GPAM: variants seen among roughly 807,000 people sequenced by gnomAD.
GPAM encodes the protein glycerol-3-phosphate acyltransferase 1, mitochondrial.
Under a neutral mutation model 105.0 loss-of-function variants are expected in GPAM, and 56 were observed. The observed-to-expected ratio is 0.53, with a 90% CI of 0.43 to 0.67. The LOEUF (loss-of-function observed/expected upper bound fraction) is 0.67, where lower values mean the gene tolerates loss of function less well. Ranked by LOEUF, GPAM falls within the 30% of genes least tolerant of loss-of-function variation. GPAM has a pLI of 0.00. For synonymous variants in GPAM, 368 were observed against 354.4 expected (o/e 1.04, Z -0.43); for missense variants, 855 against 989.8 (o/e 0.86, Z 1.83).
the GPAM span, among the ~76,000 whole-genome samples, chr10:112,225,804 G>C: frequency 1.3e-5 from 2 of 152,114 alleles, no homozygotes; most frequent in African/African-American, 4.8e-5. Flanking sequence ...CCCTCCACTA[G>C]GGTGTCAGCT....
Position 112,168,605 on chromosome 10 carries a change from G to A in GPAM, c.895-81C>T, listed in dbSNP as rs910540233. 2.3e-5 allele frequency: 23 copies of A among 994,724 alleles called. No homozygotes were observed. The Admixed American group carries it at 3.7e-4, about 16-fold the overall frequency. 61.6% of individuals were successfully genotyped at this position (994,724 alleles called of 1,614,324 possible). On this transcript the variant is annotated intron_variant, in intron 10 of 21. Coordinates refer to ENST00000348367, the MANE Select transcript of GPAM (RefSeq NM_001244949.2). Reference sequence around the variant, plus strand: ...GCTCAGAAAAATTAAATCTTTAAAAGCAAAACAGAAAAAACGATAACTTCA... The same window carrying A: ...GCTCAGAAAAATTAAATCTTTAAAAACAAAACAGAAAAAACGATAACTTCA...
At chr10:112,189,443 A>G (rs1234401597) in intron 1 of GPAM, among the ~76,000 whole-genome samples, 1 of 152,164 alleles carries the variant, frequency 6.6e-6, no homozygotes, top group African/African-American at 2.4e-5. Context: ...CATCAAGTTC[A>G]TTGACTTGTG....
chr10:112,167,223 C>T (rs189024575), intron 11 of GPAM, among the ~76,000 whole-genome samples: 3 of 152,148 alleles, frequency 2.0e-5, no homozygotes, highest in East Asian at 1.9e-4. Context: ...TGTCTGGAGC[C>T]GTAAGCTTGA....
chr10:112,192,621 G>A (rs1847675116), intron 1 of GPAM, among the ~76,000 whole-genome samples: 1 of 152,218 alleles, frequency 6.6e-6, no homozygotes, highest in African/African-American at 2.4e-5. Context: ...CAGAGAGTGA[G>A]AACTGAACCA....
Position 112,150,742 on chromosome 10 carries a change from C to A in GPAM, c.*2808G>T. Reference sequence around the variant, plus strand: ...AAAGTGCATTGTAAGTTTCCAGGTGCAAACTTGGTTTCCCAGCAACACCAT... The same window carrying A: ...AAAGTGCATTGTAAGTTTCCAGGTGAAAACTTGGTTTCCCAGCAACACCAT... On this transcript the variant is annotated 3_prime_UTR_variant, in exon 22 of 22. Coordinates refer to ENST00000348367, the MANE Select transcript of GPAM (RefSeq NM_001244949.2). 1.0e-6 allele frequency: 1 copy of A among 983,744 alleles called. No individual in the cohort carries two copies. Among genetic ancestry groups the A allele is most frequent in the Non-Finnish European group, 1.2e-6 (1 of 828,434 alleles). 60.9% of individuals were successfully genotyped at this position (983,744 alleles called of 1,614,324 possible). A position where few individuals can be genotyped will look rare whatever the true frequency, so the allele number is the denominator to read the frequency against.
intron 1 of GPAM, among the ~76,000 whole-genome samples, chr10:112,197,577 G>A (rs1044767315): frequency 2.7e-5 from 4 of 149,468 alleles, no homozygotes; most frequent in Admixed American, 6.7e-5. Context: ...ATGCTGGTGC[G>A]CTGCACCCAC....
intron 1 of GPAM, among the ~76,000 whole-genome samples, chr10:112,202,054 G>C (rs1406377462): frequency 6.6e-6 from 1 of 152,160 alleles, no homozygotes; most frequent in East Asian, 1.9e-4. Flanking sequence ...GTCACAGCTA[G>C]CAAGGAACCA....
At chr10:112,177,085 TAAATTTAAATGC>T (rs1847420383) in intron 5 of GPAM, among the ~76,000 whole-genome samples, 1 of 152,184 alleles carries the variant, frequency 6.6e-6, no homozygotes, top group African/African-American at 2.4e-5. Context: ...TTTTTAAATT[TAAATTTAAATGC>T]AAATTTAAAA....
At position 112,180,556 on chromosome 10, in the gene GPAM, T is replaced by A. The variant is rs1005999443; in HGVS notation, c.142A>T (p.Thr48Ser). 6.8e-6 allele frequency: 11 copies of A among 1,612,172 alleles called. No individual in the cohort carries two copies. In the Admixed American group the frequency reaches 8.3e-5, roughly 12 times the overall value. Reference sequence around the variant, plus strand: ...ATTAGGCTTTCTTTCCATTTTAAAGTTGCAGATCTGAAGATGGTGGGTCTA... The same window carrying A: ...ATTAGGCTTTCTTTCCATTTTAAAGATGCAGATCTGAAGATGGTGGGTCTA... ...GFRPTIFRSA[T>S]LKWKESLMSR... The change falls in exon 4 of 22, where the codon ACT becomes TCT. Residue 48 changes from threonine to serine, a missense_variant. Transcript: ENST00000348367.
intron 9 of GPAM, among the ~76,000 whole-genome samples, chr10:112,169,304 C>G (rs867749772): frequency 1.3e-5 from 2 of 152,138 alleles, no homozygotes; most frequent in South Asian, 4.1e-4. Flanking sequence ...TCTCAAGACA[C>G]TGACCCTTAG....
intron 1 of GPAM, among the ~76,000 whole-genome samples, chr10:112,193,829 T>A (rs925900262): frequency 6.6e-6 from 1 of 152,214 alleles, no homozygotes. Flanking sequence ...GCTGCGAAGA[T>A]CTTATGCTTG....
At position 112,178,043 on chromosome 10, in the gene GPAM, G is replaced by A. The variant is rs796195396; in HGVS notation, c.240C>T (p.Asn80=). The A allele has an allele frequency of 3.1e-6, 5 of 1,590,812 alleles. No individual in the cohort carries two copies. The highest frequency in any genetic ancestry group is 1.7e-6 in the Non-Finnish European group (2 of 1,159,162). ...GCAAACCCAAAGACGGGATACTGGGGTTGAAAAATTTGTCCTATATAAAAC... is the reference window on the plus strand; with the variant it reads ...GCAAACCCAAAGACGGGATACTGGGATTGAAAAATTTGTCCTATATAAAAC... ...CTPQSWDKFF[N]PSIPSLGLRN... The change falls in exon 5 of 22, where the codon AAC becomes AAT. Residue 80 remains asparagine, a synonymous_variant. Coordinates refer to ENST00000348367, the MANE Select transcript of GPAM (RefSeq NM_001244949.2).
At chr10:112,213,508 A>G (rs903698262) in intron 1 of GPAM, among the ~76,000 whole-genome samples, 1 of 152,148 alleles carries the variant, frequency 6.6e-6, no homozygotes, top group African/African-American at 2.4e-5. Context: ...CCTGGCTGAG[A>G]GTTATAAAGG....
intron 20 of GPAM, chr10:112,154,992 T>C: frequency 2.2e-6 from 1 of 456,006 alleles, no homozygotes; most frequent in South Asian, 2.2e-5. Flanking sequence ...AAAACATCCA[T>C]TTTCCAGGAC....
In GPAM at chr10:112,152,580, T is replaced by A. The variant is rs1464474975; in HGVS notation, c.*970A>T. 2 of 985,302 alleles carry A rather than the reference T, an allele frequency of 2.0e-6. No individual in the cohort carries two copies. Among genetic ancestry groups the A allele is most frequent in the Non-Finnish European group, 2.4e-6 (2 of 829,936 alleles). 61.0% of individuals were successfully genotyped at this position (985,302 alleles called of 1,614,324 possible). A position where few individuals can be genotyped will look rare whatever the true frequency, so the allele number is the denominator to read the frequency against. On this transcript the variant is annotated 3_prime_UTR_variant, in exon 22 of 22. Transcript: ENST00000348367. ...AATCTGTGTGCAGTACAGAAAGCCC[T>A]CATCAGCTGTGGCCAGAGAACTGTA...
rs116604805 is a variant in GPAM, at chr10:112,159,773, G to A, written c.1902+138C>T. Reference sequence around the variant, plus strand: ...ATAGTAAATGACATATTGGTTTGGTGGTCACTGAAATCCAGGAGTGGAATA... The same window carrying A: ...ATAGTAAATGACATATTGGTTTGGTAGTCACTGAAATCCAGGAGTGGAATA... On this transcript the variant is annotated intron_variant, in intron 17 of 21. Transcript: ENST00000348367. The A allele has an allele frequency of 2.5e-4, 209 of 831,284 alleles. No homozygotes were observed. The African/African-American group carries it at 3.3e-3, about 13-fold the overall frequency. The allele number at this position is 831,284 out of a possible 1,614,324, so 51.5% of individuals were successfully genotyped here. A position where few individuals can be genotyped will look rare whatever the true frequency, so the allele number is the denominator to read the frequency against.
At chr10:112,188,009 A>C (rs1311113997), upstream of GPAM, among the ~76,000 whole-genome samples, 1 of 152,194 alleles carries the variant, frequency 6.6e-6, no homozygotes, top group African/African-American at 2.4e-5. Flanking sequence ...TGAAAACACA[A>C]TATATCATAC....
intron 9 of GPAM, 72 bp downstream of exon 9, chr10:112,172,110 T>C: frequency 9.0e-7 from 1 of 1,116,140 alleles, no homozygotes; most frequent in Admixed American, 1.7e-5. Flanking sequence ...TATCGAAAGC[T>C]ATAATTTAAA....
In GPAM at chr10:112,151,817, G is replaced by A. The variant is rs186634670; in HGVS notation, c.*1733C>T. ...AAGACTCCCTGGGTATCCTCCAAAT[G>A]TAGCCAAGAAAAGTGTTCTTCTACC... On this transcript the variant is annotated 3_prime_UTR_variant, in exon 22 of 22. Coordinates refer to ENST00000348367, the MANE Select transcript of GPAM (RefSeq NM_001244949.2). 4.1e-6 allele frequency: 4 copies of A among 984,970 alleles called. No homozygotes were observed. The East Asian group carries it at 3.4e-4, about 84-fold the overall frequency. 61.0% of individuals were successfully genotyped at this position (984,970 alleles called of 1,614,324 possible). A position where few individuals can be genotyped will look rare whatever the true frequency, so the allele number is the denominator to read the frequency against.
Sources: allele counts gnomAD v4.1 joint callset (sites outside exome capture counted in the v4.1 genomes callset), GRCh38; gene constraint gnomAD v4.1.1; transcripts MANE v1.5; gene names NCBI Gene and HGNC (gene_info 2026-07-23, HGNC 2026-07-21).